LRRTM3: variants seen among roughly 807,000 people sequenced by gnomAD.
LRRTM3 encodes the protein leucine rich repeat transmembrane neuronal 3, also known as leucine-rich repeat transmembrane neuronal protein 3.
LRRTM3 carries 24 observed loss-of-function variants against 44.7 expected under a neutral mutation model. The observed-to-expected ratio is 0.54, with a 90% CI of 0.39 to 0.76. LRRTM3 has a LOEUF of 0.76. LRRTM3 is among the 30% of genes least tolerant of loss of function. LRRTM3 has a pLI of 0.00. For missense variants in LRRTM3, 587 were observed against 702.2 expected (o/e 0.84, Z 1.85); for synonymous variants, 277 against 278.7 (o/e 0.99, Z 0.06).
chr10:67,027,747 T>C (rs750989952), intron 2 of LRRTM3, among the ~76,000 whole-genome samples: 13 of 152,090 alleles, frequency 8.5e-5, no homozygotes, highest in Non-Finnish European at 1.6e-4. Context: ...CATATAATTG[T>C]CCATAGGTAT....
intron 2 of LRRTM3, among the ~76,000 whole-genome samples, chr10:67,035,606 G>A (rs1321500728): frequency 6.6e-6 from 1 of 152,200 alleles, no homozygotes; most frequent in East Asian, 1.9e-4. Context: ...TTTGACAAGA[G>A]AAGCAGAAAT....
intron 2 of LRRTM3, among the ~76,000 whole-genome samples, chr10:66,970,767 G>C (rs1188608939): frequency 6.6e-6 from 1 of 151,972 alleles, no homozygotes; most frequent in African/African-American, 2.4e-5. Context: ...GATAACAAAT[G>C]ATTGCCCAAG....
At chr10:67,080,615 A>G (rs1856997247) in intron 2 of LRRTM3, among the ~76,000 whole-genome samples, 3 of 152,198 alleles carry the variant, frequency 2.0e-5, no homozygotes, top group Non-Finnish European at 4.4e-5. Context: ...GTGCATAGAA[A>G]AGGTGAAGTA....
At chr10:67,072,089 A>G (rs1472660507) in intron 2 of LRRTM3, among the ~76,000 whole-genome samples, 1 of 152,118 alleles carries the variant, frequency 6.6e-6, no homozygotes, top group Admixed American at 6.6e-5. Flanking sequence ...AGTAGCTGGG[A>G]TTACAGACAT....
chr10:67,071,719 T>C (rs1020228865), intron 2 of LRRTM3, among the ~76,000 whole-genome samples: 1 of 152,188 alleles, frequency 6.6e-6, no homozygotes, highest in East Asian at 1.9e-4. Context: ...TATTCTCTCC[T>C]CTCCTTTGGG....
At chr10:67,030,160 C>CTTATTT (rs1237676795) in intron 2 of LRRTM3, among the ~76,000 whole-genome samples, 1 of 152,050 alleles carries the variant, frequency 6.6e-6, no homozygotes, top group Non-Finnish European at 1.5e-5. Context: ...GCTAAAGCAC[C>CTTATTT]AGTTGGATGG....
intron 2 of LRRTM3, among the ~76,000 whole-genome samples, chr10:66,937,909 C>T (rs78367913): frequency 3.5e-4 from 53 of 152,142 alleles, no homozygotes; most frequent in African/African-American, 1.1e-3. Flanking sequence ...CCCCCTCTCC[C>T]AGAGACTGCA....
intron 2 of LRRTM3, among the ~76,000 whole-genome samples, chr10:67,038,663 G>T (rs1486666334): frequency 6.6e-6 from 1 of 152,018 alleles, no homozygotes; most frequent in Non-Finnish European, 1.5e-5. Flanking sequence ...ACCAAGAATT[G>T]CTTACAAAAT....
At chr10:67,025,061 G>A (rs768637979) in intron 2 of LRRTM3, among the ~76,000 whole-genome samples, 3 of 150,444 alleles carry the variant, frequency 2.0e-5, no homozygotes, top group Non-Finnish European at 4.4e-5. Context: ...ACCCAGGAGC[G>A]GAGGTTGCGG....
chr10:67,061,829 C>T (rs1175495520), intron 2 of LRRTM3, among the ~76,000 whole-genome samples: 1 of 152,056 alleles, frequency 6.6e-6, no homozygotes. Flanking sequence ...GGCAGATAAG[C>T]AGATGAGAGG....
chr10:66,935,182 A>G (rs778966299), intron 2 of LRRTM3, among the ~76,000 whole-genome samples: 19 of 152,168 alleles, frequency 1.2e-4, no homozygotes, highest in Admixed American at 3.3e-4. Flanking sequence ...GCAGTCAACC[A>G]GAATCTCACA....
chr10:66,985,452 G>T (rs973506493), intron 2 of LRRTM3, among the ~76,000 whole-genome samples: 2 of 152,102 alleles, frequency 1.3e-5, no homozygotes, highest in Non-Finnish European at 2.9e-5. Flanking sequence ...GCCAATCAGT[G>T]GGGAGCTGGC....
chr10:67,091,793 A>G (rs1224861354), intron 2 of LRRTM3, among the ~76,000 whole-genome samples: 1 of 152,076 alleles, frequency 6.6e-6, no homozygotes, highest in Non-Finnish European at 1.5e-5. Context: ...ATGGGCAACA[A>G]GTAGATTAAG....
intron 2 of LRRTM3, among the ~76,000 whole-genome samples, chr10:66,950,676 C>T (rs1848493144): frequency 2.6e-5 from 4 of 152,092 alleles, no homozygotes; most frequent in African/African-American, 9.7e-5. Context: ...AAAGCATCAT[C>T]CTATGAAGTA....
chr10:66,984,291 T>C (rs1850607782), intron 2 of LRRTM3, among the ~76,000 whole-genome samples: 2 of 152,220 alleles, frequency 1.3e-5, no homozygotes, highest in Non-Finnish European at 2.9e-5. Flanking sequence ...GTTGATAAAC[T>C]GGCTAAAGGG....
chr10:67,025,330 CAAA>C (rs200578879), intron 2 of LRRTM3, among the ~76,000 whole-genome samples: 1 of 138,454 alleles, frequency 7.2e-6, no homozygotes, highest in Admixed American at 7.2e-5. Flanking sequence ...TAAGCCCATG[CAAA>C]AAAAAAAACT....
intron 2 of LRRTM3, among the ~76,000 whole-genome samples, chr10:67,025,153 A>AAAGG (rs1221696371): frequency 0.018 from 2,669 of 149,300 alleles, 106 homozygotes; most frequent in African/African-American, 0.063. Context: ...AAAAAGAAAG[A>AAAGG]AAGGAAGGAA....
intron 2 of LRRTM3, among the ~76,000 whole-genome samples, chr10:67,093,576 GT>G (rs1212303998): frequency 8.6e-5 from 13 of 151,790 alleles, no homozygotes; most frequent in Non-Finnish European, 8.8e-5. Flanking sequence ...AAACAGATTT[GT>G]TTTTTTAATG....
At position 67,088,717 on chromosome 10, in the gene LRRTM3, C is replaced by T. The variant is rs906239265; in HGVS notation, c.1537-8870C>T. Among the ~76,000 whole-genome samples, 3 of 151,872 alleles carry T rather than the reference C, an allele frequency of 2.0e-5. No individual in the cohort carries two copies. The East Asian group carries it at 5.8e-4, about 29-fold the overall frequency. On this transcript the variant is annotated intron_variant, in intron 2 of 2. Transcript: ENST00000361320. ...GGATTTCACTATAATGAAGTTTTTG[C>T]ACAAATACCACTAAAAGAATTATTA... is the stretch of plus-strand genomic sequence containing the variant.
Sources: allele counts gnomAD v4.1 joint callset (sites outside exome capture counted in the v4.1 genomes callset), GRCh38; gene constraint gnomAD v4.1.1; transcripts MANE v1.5; gene names NCBI Gene and HGNC (gene_info 2026-07-23, HGNC 2026-07-21).